TPTE2: variants seen among roughly 807,000 people sequenced by gnomAD.
TPTE2 encodes the protein phosphatidylinositol 3,4,5-trisphosphate 3-phosphatase TPTE2.
TPTE2 carries 53 observed loss-of-function variants against 78.6 expected under a neutral mutation model. That is an observed-to-expected ratio of 0.67 (90% CI 0.54 to 0.85). The LOEUF (loss-of-function observed/expected upper bound fraction) is 0.85, where lower values mean the gene tolerates loss of function less well. Ranked by LOEUF, TPTE2 falls within the 40% of genes least tolerant of loss-of-function variation. The pLI, the probability that TPTE2 is intolerant of heterozygous loss-of-function variation, is 0.00. For synonymous variants in TPTE2, 175 were observed against 206.2 expected, an observed-to-expected ratio of 0.85 and a Z score of 1.30; for missense variants, 461 against 623.0, an observed-to-expected ratio of 0.74 and a Z score of 2.77.
intron 4 of TPTE2, among the ~76,000 whole-genome samples, chr13:19,477,309 C>A (rs1275757355): frequency 2.0e-5 from 3 of 150,354 alleles, no homozygotes; most frequent in African/African-American, 4.9e-5. Flanking sequence ...AAAAAAAAAA[C>A]CTCCCTGACA....
intron 3 of TPTE2, among the ~76,000 whole-genome samples, chr13:19,487,341 C>A (rs1447813312): frequency 6.6e-6 from 1 of 152,050 alleles, no homozygotes; most frequent in Non-Finnish European, 1.5e-5. Flanking sequence ...GTTTCTCAGG[C>A]CCTTATCAAA....
At chr13:19,525,272 A>C (rs1870426375) in intron 1 of TPTE2, among the ~76,000 whole-genome samples, 1 of 152,204 alleles carries the variant, frequency 6.6e-6, no homozygotes, top group Non-Finnish European at 1.5e-5. Context: ...GAAGCTGGAG[A>C]TGCCACACTA....
intron 1 of TPTE2, 43 bp downstream of exon 4, chr13:19,503,181 A>C: frequency 3.1e-6 from 5 of 1,612,822 alleles, no homozygotes; most frequent in Non-Finnish European, 4.2e-6. Flanking sequence ...TTCTATGCTC[A>C]GTTATAATTA....
intron 2 of TPTE2, 132 bp from the exon 6 acceptor site, chr13:19,493,035 C>A: frequency 7.9e-7 from 1 of 1,273,808 alleles, no homozygotes; most frequent in Admixed American, 2.1e-5. Context: ...CATAAAAATA[C>A]TGCTTAGTAG....
intron 1 of TPTE2, among the ~76,000 whole-genome samples, chr13:19,513,577 G>A (rs200368604): frequency 6.6e-6 from 1 of 152,062 alleles, no homozygotes. Context: ...GACTTTTTTT[G>A]TTGTTGTTGT....
intron 17 of TPTE2, among the ~76,000 whole-genome samples, chr13:19,427,363 A>G (rs1426167797): frequency 2.6e-5 from 4 of 151,942 alleles, no homozygotes; most frequent in South Asian, 2.1e-4. Flanking sequence ...GATTACAGGC[A>G]TGAGCCACCG....
intron 4 of TPTE2, among the ~76,000 whole-genome samples, chr13:19,481,199 T>C (rs1880332746): frequency 6.6e-6 from 1 of 152,234 alleles, no homozygotes; most frequent in African/African-American, 2.4e-5. Context: ...TTGTTGATTG[T>C]ATTTTCAGAT....
At chr13:19,465,473 T>G in exon 8 of TPTE2, 3 of 1,608,994 alleles carry the variant, frequency 1.9e-6, no homozygotes, top group Non-Finnish European at 2.5e-6. Flanking sequence ...ACCAGCCTTC[T>G]CATCAGCTTT....
At chr13:19,491,262 T>G (rs1880973034) in intron 3 of TPTE2, among the ~76,000 whole-genome samples, 1 of 152,230 alleles carries the variant, frequency 6.6e-6, no homozygotes, top group African/African-American at 2.4e-5. Context: ...TGTTGTCATT[T>G]CACTGAAGAC....
intron 1 of TPTE2, among the ~76,000 whole-genome samples, chr13:19,526,077 C>T (rs2137731370): frequency 2.0e-5 from 3 of 152,248 alleles, no homozygotes; most frequent in South Asian, 4.2e-4. Context: ...AATGCTTATA[C>T]ACTACTGGTG....
At chr13:19,477,296 T>TAA (rs879889075) in intron 4 of TPTE2, among the ~76,000 whole-genome samples, 10 of 141,544 alleles carry the variant, frequency 7.1e-5, no homozygotes, top group Admixed American at 1.4e-4. Flanking sequence ...AATAATATGT[T>TAA]AAAAAAAAAA....
At chr13:19,498,649 C>T (rs988407181) in intron 1 of TPTE2, among the ~76,000 whole-genome samples, 22 of 151,814 alleles carry the variant, frequency 1.4e-4, no homozygotes, top group South Asian at 2.1e-4. Context: ...CTGAAGGAAG[C>T]GCTAAATATG....
chr13:19,446,761 T>G (rs1877863968), intron 13 of TPTE2, among the ~76,000 whole-genome samples: 1 of 152,110 alleles, frequency 6.6e-6, no homozygotes, highest in Non-Finnish European at 1.5e-5. Flanking sequence ...GGCAACACAG[T>G]GAGACCCTGT....
upstream of TPTE2, among the ~76,000 whole-genome samples, chr13:19,537,583 T>C (rs1871283206): frequency 8.0e-6 from 1 of 125,396 alleles, no homozygotes; most frequent in African/African-American, 2.8e-5. Context: ...TTTGTTTGTT[T>C]GGGACAGAAG....
intron 10 of TPTE2, chr13:19,458,319 G>A: frequency 4.8e-6 from 1 of 206,462 alleles, no homozygotes; most frequent in Non-Finnish European, 1.0e-5. Flanking sequence ...TGGTGTATGA[G>A]ATCTATTATA....
At chr13:19,556,514 T>A in the TPTE2 span, among the ~76,000 whole-genome samples, 94,104 of 151,580 alleles carry the variant, frequency 0.62, 32,853 homozygotes, top group East Asian at 0.88. Flanking sequence ...GGAACTTATC[T>A]ATTATGTACA....
the TPTE2 span, among the ~76,000 whole-genome samples, chr13:19,544,147 A>C: frequency 6.6e-6 from 1 of 151,454 alleles, no homozygotes; most frequent in African/African-American, 2.4e-5. Context: ...AAATGTAAAT[A>C]ATCTGAGTAT....
chr13:19,494,904 G>A lies in TPTE2; in HGVS notation c.12-1403C>T, dbSNP rs1318128790. Among the ~76,000 whole-genome samples the A allele has an allele frequency of 6.6e-5, 10 of 152,112 alleles. 1 individual carries two copies. The highest frequency in any genetic ancestry group is 4.6e-4 in the Admixed American group (7 of 15,276). On this transcript the variant is annotated intron_variant, in intron 1 of 19. Coordinates refer to ENST00000400230, the Ensembl canonical transcript of TPTE2. ...TTACACTTTAATTATTCACATGTAC[G>A]TATATCACTAAATTGACCTGGGATG...
chr13:19,499,410 C>T (rs1264234785), intron 1 of TPTE2, among the ~76,000 whole-genome samples: 2 of 150,278 alleles, frequency 1.3e-5, no homozygotes, highest in African/African-American at 4.9e-5. Flanking sequence ...TAAAGCTCTC[C>T]TCAGCAAATG....
Sources: allele counts gnomAD v4.1 joint callset (sites outside exome capture counted in the v4.1 genomes callset), GRCh38; gene constraint gnomAD v4.1.1; transcripts MANE v1.5; gene names NCBI Gene and HGNC (gene_info 2026-07-23, HGNC 2026-07-21).